ATP9B: variants seen among roughly 807,000 people sequenced by gnomAD.
The protein encoded by ATP9B is probable phospholipid-transporting ATPase IIB.
In ATP9B, 110 loss-of-function variants were observed where a neutral mutation model predicts 146.1. The ratio of observed to expected loss-of-function variants is 0.75; its 90% CI spans 0.65 to 0.88. The LOEUF (loss-of-function observed/expected upper bound fraction) is 0.88, where lower values mean the gene tolerates loss of function less well. Among genes scored for constraint, ATP9B ranks in the 40% least tolerant of loss-of-function variants. The probability of loss-of-function intolerance (pLI) is 0.00; values close to 1 mark genes in which losing one functional copy is unlikely to be tolerated. For missense variants in ATP9B, 1,499 were observed against 1,496.4 expected, an observed-to-expected ratio of 1.00 and a Z score of -0.03; for synonymous variants, 604 against 569.7, an observed-to-expected ratio of 1.06 and a Z score of -0.86.
At chr18:79,114,778 C>T (rs116357089) in intron 4 of ATP9B, among the ~76,000 whole-genome samples, 92 of 152,182 alleles carry the variant, frequency 6.0e-4, no homozygotes, top group African/African-American at 2.0e-3. Context: ...AATATAGATG[C>T]CGTGAGCTCC....
In ATP9B at chr18:79,347,886, G is replaced by T. The variant is rs2096899062; in HGVS notation, c.2799G>T (p.Gln933His). Reference sequence around the variant, plus strand: ...ACAAGAGGTCGGCGGCACTCGGCCAGTTCGTCATGCACAGGGGCCTTATCA... The same window carrying T: ...ACAAGAGGTCGGCGGCACTCGGCCATTTCGTCATGCACAGGGGCCTTATCA... The part of the protein sequence containing the change: ...NSYKRSAALG[Q>H]FVMHRGLIIS... The change falls in exon 24 of 30, where the codon CAG (glutamine) becomes CAT (histidine). Residue 933 changes from glutamine to histidine, a missense_variant. Gln to His is a conservative substitution (Grantham distance 24). Coordinates refer to ENST00000426216, the MANE Select transcript of ATP9B (RefSeq NM_198531.5). The T allele has an allele frequency of 6.2e-7, 1 of 1,613,652 alleles. No homozygotes were observed. Among genetic ancestry groups the T allele is most frequent in the Non-Finnish European group, 8.5e-7 (1 of 1,179,918 alleles).
chr18:79,186,671 A>G (rs1233810737), intron 8 of ATP9B, among the ~76,000 whole-genome samples: 1 of 152,178 alleles, frequency 6.6e-6, no homozygotes, highest in African/African-American at 2.4e-5. Context: ...GTTACTAGAG[A>G]ATATTTCTTT....
At chr18:79,374,821 TAGAA>T (rs1750025665) in intron 28 of ATP9B, among the ~76,000 whole-genome samples, 1 of 152,266 alleles carries the variant, frequency 6.6e-6, no homozygotes, top group African/African-American at 2.4e-5. Context: ...AATTGGCTCT[TAGAA>T]TATTTTCCTG....
intron 11 of ATP9B, among the ~76,000 whole-genome samples, chr18:79,218,472 A>G (rs1318866816): frequency 6.7e-6 from 1 of 150,034 alleles, no homozygotes; most frequent in Admixed American, 6.6e-5. Context: ...CCTGCTGGTC[A>G]TATTTTCCTC....
chr18:79,335,283 G>A (rs1220664258), intron 17 of ATP9B, among the ~76,000 whole-genome samples: 1 of 152,198 alleles, frequency 6.6e-6, no homozygotes, highest in East Asian at 1.9e-4. Flanking sequence ...ACTTTTGTAA[G>A]TGCAGTTTGA....
chr18:79,206,554 G>A (rs187540158), intron 9 of ATP9B, among the ~76,000 whole-genome samples: 51 of 152,048 alleles, frequency 3.4e-4, no homozygotes, highest in African/African-American at 1.2e-3. Flanking sequence ...TAGCTACTTG[G>A]GAGTCTGAGA....
Position 79,344,345 on chromosome 18 carries a change from C to T in ATP9B, c.2463C>T (p.Asp821=). Residue 821 remains aspartate, a synonymous_variant, in exon 21 of 30, where the codon GAC becomes GAT. Transcript: ENST00000426216. ...ATTGTGCACTAGTCATATCTGGGGA[C>T]TCTCTGGAGGTAAGGCTGGACCCTG... is the stretch of plus-strand genomic sequence containing the variant. ...KHDCALVISG[D]SLEVCLKYYE... 6.2e-7 allele frequency: 1 copy of T among 1,614,148 alleles called. No homozygotes were observed. The highest frequency in any genetic ancestry group is 8.5e-7 in the Non-Finnish European group (1 of 1,179,986).
chr18:79,226,686 T>C (rs778049204), intron 11 of ATP9B, among the ~76,000 whole-genome samples: 5 of 152,194 alleles, frequency 3.3e-5, no homozygotes, highest in Admixed American at 1.3e-4. Flanking sequence ...GGGGACAGCC[T>C]ACACAAGAAG....
intron 7 of ATP9B, among the ~76,000 whole-genome samples, chr18:79,175,761 C>T (rs557104506): frequency 6.6e-6 from 1 of 152,124 alleles, no homozygotes; most frequent in East Asian, 1.9e-4. Flanking sequence ...TACATATGTA[C>T]ACATGCATGT....
Position 79,210,485 on chromosome 18 carries a change from T to A in ATP9B, c.1030+3473T>A, listed in dbSNP as rs539040068. Reference sequence around the variant, plus strand: ...TCTAGACCTGGGTGTGGGTCACCTGTGTCTCTGTGTCCTGGCTGTGTGGAC... The same window carrying A: ...TCTAGACCTGGGTGTGGGTCACCTGAGTCTCTGTGTCCTGGCTGTGTGGAC... On this transcript the variant is annotated intron_variant, in intron 10 of 29. Coordinates refer to ENST00000426216, the MANE Select transcript of ATP9B (RefSeq NM_198531.5). Among the ~76,000 whole-genome samples the A allele has an allele frequency of 2.6e-4, 39 of 152,304 alleles. 1 individual carries two copies. In the South Asian group the frequency reaches 7.7e-3, roughly 30 times the overall value.
At chr18:79,314,881 C>T (rs1185650705) in intron 15 of ATP9B, among the ~76,000 whole-genome samples, 2 of 152,230 alleles carry the variant, frequency 1.3e-5, no homozygotes, top group Admixed American at 1.3e-4. Flanking sequence ...GACAGAAGCT[C>T]GGTGGGCAGA....
chr18:79,167,338 G>A lies in ATP9B; in HGVS notation c.779-9475G>A, dbSNP rs115606029. On this transcript the variant is annotated intron_variant, in intron 7 of 29. Coordinates refer to ENST00000426216, the MANE Select transcript of ATP9B (RefSeq NM_198531.5). ...CAAAGAGGTGGTTTATTGAGCGACA[G>A]TACAGCTCTCAGGAGACGCTAAGTG... 6.4e-3 allele frequency among the ~76,000 whole-genome samples: 973 copies of A among 152,292 alleles called. 11 individuals are homozygous for A. Among genetic ancestry groups the A allele is most frequent in the African/African-American group, 0.022 (933 of 41,538 alleles).
intron 2 of ATP9B, among the ~76,000 whole-genome samples, chr18:79,108,664 CTT>C (rs2075812809): frequency 6.6e-6 from 1 of 152,152 alleles, no homozygotes; most frequent in African/African-American, 2.4e-5. Flanking sequence ...GCGAGCACTG[CTT>C]AAGGGAGCAG....
intron 2 of ATP9B, among the ~76,000 whole-genome samples, chr18:79,103,267 GT>G (rs76907504): frequency 0.025 from 3,280 of 133,268 alleles, 99 homozygotes; most frequent in African/African-American, 0.078. Context: ...ACTATTTGTA[GT>G]TTTTTTTTTT....
At chr18:79,270,648 A>G (rs1354223413) in intron 12 of ATP9B, among the ~76,000 whole-genome samples, 1 of 152,042 alleles carries the variant, frequency 6.6e-6, no homozygotes, top group Non-Finnish European at 1.5e-5. Context: ...ACTTTCAACC[A>G]GCAATGATGG....
chr18:79,360,151 G>T (rs573298749), intron 26 of ATP9B: 1 of 152,640 alleles, frequency 6.6e-6, no homozygotes, highest in Non-Finnish European at 1.5e-5. Context: ...AGCATAGAAC[G>T]TGTAAGGATA....
At chr18:79,285,093 G>A (rs2096422645) in intron 13 of ATP9B, among the ~76,000 whole-genome samples, 1 of 151,372 alleles carries the variant, frequency 6.6e-6, no homozygotes. Flanking sequence ...GTGTGCATGT[G>A]TCTTTATAGC....
chr18:79,271,555 A>G (rs2096255083), intron 12 of ATP9B, among the ~76,000 whole-genome samples: 1 of 152,204 alleles, frequency 6.6e-6, no homozygotes, highest in Admixed American at 6.5e-5. Flanking sequence ...ATGTCCCTAC[A>G]AAGGACATGA....
chr18:79,073,141 C>T (rs892348600), intron 1 of ATP9B, among the ~76,000 whole-genome samples: 1 of 151,844 alleles, frequency 6.6e-6, no homozygotes, highest in Admixed American at 6.6e-5. Flanking sequence ...TCTCACTTCC[C>T]AGACTGGGAG....
Sources: gnomAD v4.1 joint callset for allele counts (sites outside exome capture counted in the v4.1 genomes callset) on GRCh38, gnomAD v4.1.1 for gene constraint, MANE v1.5 for transcripts, NCBI Gene and HGNC (gene_info 2026-07-23, HGNC 2026-07-21) for gene names.